Variants in EYS observed in about 807,000 individuals in gnomAD.
EYS encodes EGF-like photoreceptor maintenance factor.
Under a neutral mutation model 282.1 loss-of-function variants are expected in EYS, and 250 were observed. That is an observed-to-expected ratio of 0.89 (90% confidence interval 0.80 to 0.98). The LOEUF is 0.98. Ranked by LOEUF, EYS falls within the 50% of genes least tolerant of loss-of-function variation. EYS has a pLI of 0.00. For synonymous variants in EYS, 1,355 were observed against 1,282.9 expected (o/e 1.06, Z -1.20); for missense variants, 4,016 against 3,709.0 (o/e 1.08, Z -2.15).
chr6:63,807,664 C>T (rs367773124), intron 36 of EYS, among the ~76,000 whole-genome samples: 10 of 152,008 alleles, frequency 6.6e-5, no homozygotes, highest in African/African-American at 2.4e-4. Context: ...AGTTTATTCC[C>T]TGGGATGTGT....
chr6:64,009,409 G>A (rs1055125151), intron 33 of EYS, among the ~76,000 whole-genome samples: 2 of 150,764 alleles, frequency 1.3e-5, no homozygotes, highest in African/African-American at 4.9e-5. Flanking sequence ...TCAGCCTCCC[G>A]AGTAGTTGGG....
In EYS at chr6:64,997,563, A is replaced by G. The variant is rs1771308548; in HGVS notation, c.2259+19T>C. 1.3e-6 allele frequency: 2 copies of G among 1,549,328 alleles called. No individual in the cohort carries two copies. Among genetic ancestry groups the G allele is most frequent in the African/African-American group, 2.7e-5 (2 of 72,986 alleles). ...TATTAGTCCACATTTAGGTATATAAAAAGCCAGTGGATACTAACGAGATGC... is the reference window on the plus strand; with the variant it reads ...TATTAGTCCACATTTAGGTATATAAGAAGCCAGTGGATACTAACGAGATGC... On this transcript the variant is annotated intron_variant, in intron 14 of 42. Coordinates refer to ENST00000503581, the MANE Select transcript of EYS (RefSeq NM_001142800.2).
chr6:65,198,401 A>G (rs1765821356), intron 12 of EYS, among the ~76,000 whole-genome samples: 1 of 152,190 alleles, frequency 6.6e-6, no homozygotes, highest in Non-Finnish European at 1.5e-5. Flanking sequence ...TACTAAATAC[A>G]TAAGCCAGTC....
At chr6:65,121,255 C>T (rs1238299872) in intron 12 of EYS, among the ~76,000 whole-genome samples, 3 of 152,054 alleles carry the variant, frequency 2.0e-5, no homozygotes, top group African/African-American at 7.2e-5. Context: ...AAAGAGTATA[C>T]ACCAAGTAAG....
chr6:65,388,320 T>C (rs886551591), intron 7 of EYS, among the ~76,000 whole-genome samples: 1 of 152,090 alleles, frequency 6.6e-6, no homozygotes, highest in East Asian at 1.9e-4. Flanking sequence ...CATTAGTTTA[T>C]GGGGAAGGGA....
chr6:64,346,546 T>C (rs1408757428), intron 29 of EYS, among the ~76,000 whole-genome samples: 3 of 150,938 alleles, frequency 2.0e-5, no homozygotes, highest in East Asian at 2.0e-4. Flanking sequence ...ACACCAGGGA[T>C]TGTTGTGGGG....
intron 33 of EYS, among the ~76,000 whole-genome samples, chr6:64,064,237 T>G (rs75478487): frequency 6.6e-6 from 1 of 152,174 alleles, no homozygotes. Context: ...AGTTTTTTTT[T>G]CTGTTTTGGC....
intron 19 of EYS, among the ~76,000 whole-genome samples, chr6:64,848,650 G>A (rs1333738104): frequency 1.3e-5 from 2 of 152,098 alleles, no homozygotes; most frequent in East Asian, 3.9e-4. Flanking sequence ...AAGGATAAAT[G>A]TCTTAGTTGT....
intron 12 of EYS, among the ~76,000 whole-genome samples, chr6:65,083,109 C>T (rs982179070): frequency 1.3e-5 from 2 of 151,794 alleles, no homozygotes; most frequent in African/African-American, 4.8e-5. Context: ...GAGAAAAAAA[C>T]AAAGTTGGTG....
At chr6:65,393,788 A>G (rs574220506) in intron 7 of EYS, among the ~76,000 whole-genome samples, 11 of 152,214 alleles carry the variant, frequency 7.2e-5, no homozygotes, top group African/African-American at 2.2e-4. Context: ...TAATACATCA[A>G]ATTGAAATTT....
intron 2 of EYS, among the ~76,000 whole-genome samples, chr6:65,536,537 A>T (rs999429074): frequency 2.0e-5 from 3 of 152,164 alleles, no homozygotes; most frequent in African/African-American, 7.2e-5. Context: ...AGCCAGCCTG[A>T]TGTGGTTTGC....
chr6:65,259,919 C>T (rs1469639803), intron 12 of EYS, among the ~76,000 whole-genome samples: 5 of 152,092 alleles, frequency 3.3e-5, no homozygotes, highest in African/African-American at 9.7e-5. Context: ...AATTTCTCAT[C>T]TGTAAAGTGA....
At chr6:64,271,321 C>A (rs561424354) in intron 30 of EYS, among the ~76,000 whole-genome samples, 1 of 151,982 alleles carries the variant, frequency 6.6e-6, no homozygotes. Context: ...ATTGAGTTGT[C>A]CTACACATTT....
intron 34 of EYS, among the ~76,000 whole-genome samples, chr6:63,988,417 C>A (rs1258314227): frequency 1.3e-5 from 2 of 151,536 alleles, no homozygotes; most frequent in Non-Finnish European, 3.0e-5. Flanking sequence ...ATTTATTAGA[C>A]CATTAAAAAA....
chr6:64,343,355 G>A (rs982276917), intron 29 of EYS, among the ~76,000 whole-genome samples: 2 of 151,774 alleles, frequency 1.3e-5, no homozygotes, highest in Non-Finnish European at 1.5e-5. Flanking sequence ...ATAACAAACT[G>A]TCTCTCAGAC....
chr6:63,756,012 G>A (rs1769471587), intron 41 of EYS, among the ~76,000 whole-genome samples: 1 of 152,194 alleles, frequency 6.6e-6, no homozygotes. Flanking sequence ...TTGCTTATCA[G>A]CTTAAGGAGA....
At chr6:64,944,620 G>A (rs924105567) in intron 15 of EYS, among the ~76,000 whole-genome samples, 3 of 152,108 alleles carry the variant, frequency 2.0e-5, no homozygotes, top group Non-Finnish European at 4.4e-5. Flanking sequence ...AGACCTGACC[G>A]TCCCCCAGCC....
chr6:65,519,708 A>ATATATATATATTTTTTTTTT (rs1554205854), intron 2 of EYS, among the ~76,000 whole-genome samples: 1 of 42,560 alleles, frequency 2.3e-5, no homozygotes, highest in Admixed American at 4.0e-4. Context: ...ATATATATAT[A>ATATATATATATTTTTTTTTT]TTTTTTTTTT....
intron 8 of EYS, among the ~76,000 whole-genome samples, chr6:65,368,766 A>T (rs921037011): frequency 1.3e-5 from 2 of 151,744 alleles, no homozygotes; most frequent in African/African-American, 4.8e-5. Context: ...TTCAAGTAGT[A>T]CTTTAAGCAT....
Sources: gnomAD v4.1 joint callset for allele counts (sites outside exome capture counted in the v4.1 genomes callset) on GRCh38, gnomAD v4.1.1 for gene constraint, MANE v1.5 for transcripts, NCBI Gene and HGNC (gene_info 2026-07-23, HGNC 2026-07-21) for gene names.